SCAPER: variants seen among roughly 807,000 people sequenced by gnomAD.
SCAPER encodes S-phase cyclin A associated protein in the ER.
Under a neutral mutation model 182.2 loss-of-function variants are expected in SCAPER, and 98 were observed. The ratio of observed to expected loss-of-function variants is 0.54; its 90% CI spans 0.46 to 0.64. The LOEUF (loss-of-function observed/expected upper bound fraction) is 0.64, where lower values mean the gene tolerates loss of function less well. SCAPER is among the 30% of genes least tolerant of loss of function. SCAPER has a pLI of 0.00. For missense variants in SCAPER, 1,432 were observed against 1,690.0 expected (o/e 0.85, Z 2.68); for synonymous variants, 605 against 564.6 (o/e 1.07, Z -1.01).
intron 17 of SCAPER, among the ~76,000 whole-genome samples, chr15:76,720,943 G>A (rs1317194749): frequency 6.6e-6 from 1 of 152,124 alleles, no homozygotes; most frequent in Non-Finnish European, 1.5e-5. Flanking sequence ...GATCCCATTT[G>A]TCAATTTTGG....
intron 20 of SCAPER, among the ~76,000 whole-genome samples, chr15:76,686,912 G>A (rs138434713): frequency 2.6e-5 from 4 of 152,132 alleles, no homozygotes; most frequent in African/African-American, 9.7e-5. Context: ...AATGGGACAA[G>A]AGGGAAGAGG....
At position 76,488,106 on chromosome 15, in the gene SCAPER, A is replaced by AT. The variant is rs1325316886; in HGVS notation, c.2954+16752dup. Among the ~76,000 whole-genome samples, 12 of 152,148 alleles carry AT rather than the reference A, an allele frequency of 7.9e-5. No homozygotes were observed. The East Asian group carries it at 2.1e-3, about 27-fold the overall frequency. On this transcript the variant is annotated intron_variant, in intron 24 of 31. Transcript: ENST00000563290. ...TCAAACTCAAATTCCAGACTAAGGGATTTTTTCTTTAATATGTTTTATATA... is the reference window on the plus strand; with the variant it reads ...TCAAACTCAAATTCCAGACTAAGGGATTTTTTTCTTTAATATGTTTTATATA...
chr15:76,646,245 T>G (rs1298677179), intron 21 of SCAPER, among the ~76,000 whole-genome samples: 1 of 152,154 alleles, frequency 6.6e-6, no homozygotes, highest in Non-Finnish European at 1.5e-5. Flanking sequence ...GGGTTAACTC[T>G]GAATGTAGAT....
chr15:76,501,177 T>C (rs1468722196), intron 24 of SCAPER, among the ~76,000 whole-genome samples: 1 of 152,136 alleles, frequency 6.6e-6, no homozygotes, highest in Non-Finnish European at 1.5e-5. Flanking sequence ...ATGATTGATT[T>C]TGTAATAACA....
chr15:76,895,918 T>C (rs1179831811), intron 1 of SCAPER, among the ~76,000 whole-genome samples: 1 of 151,918 alleles, frequency 6.6e-6, no homozygotes, highest in Non-Finnish European at 1.5e-5. Context: ...CAGGCGACTG[T>C]AGTCCCAGCT....
rs757572763 is a variant in SCAPER at position 76,608,331 on chromosome 15, G to A, written c.2711+13433C>T. ...TCAGCAGCGGTGGCTGCAGAACAGCGGATTTTGGTGAACCGCAAATGCTGC... is the reference window on the plus strand; with the variant it reads ...TCAGCAGCGGTGGCTGCAGAACAGCAGATTTTGGTGAACCGCAAATGCTGC... On this transcript the variant is annotated intron_variant, in intron 22 of 31. Coordinates refer to ENST00000563290, the MANE Select transcript of SCAPER (RefSeq NM_020843.4). Among the ~76,000 whole-genome samples, 7 of 152,132 alleles carry A rather than the reference G, an allele frequency of 4.6e-5. No individual in the cohort carries two copies. The East Asian group carries it at 5.8e-4, about 13-fold the overall frequency.
intron 23 of SCAPER, among the ~76,000 whole-genome samples, chr15:76,546,277 A>C (rs1323657745): frequency 6.6e-6 from 1 of 152,198 alleles, no homozygotes; most frequent in African/African-American, 2.4e-5. Context: ...TAAATTAAAA[A>C]TATTAATTAT....
chr15:76,386,229 C>A lies in SCAPER; in HGVS notation c.3468-4614G>T, dbSNP rs538619894. Among the ~76,000 whole-genome samples, 7 of 152,304 alleles carry A rather than the reference C, an allele frequency of 4.6e-5. No homozygotes were observed. The East Asian group carries it at 1.4e-3, about 29-fold the overall frequency. Reference sequence around the variant, plus strand: ...AGAATAATCTCACCATCTCAAGATCCTTAACTTAATTGTATCTGCAAGATC... The same window carrying A: ...AGAATAATCTCACCATCTCAAGATCATTAACTTAATTGTATCTGCAAGATC... On this transcript the variant is annotated intron_variant, in intron 27 of 31. Coordinates refer to ENST00000563290, the MANE Select transcript of SCAPER (RefSeq NM_020843.4).
At chr15:76,496,010 A>G (rs2040490310) in intron 24 of SCAPER, among the ~76,000 whole-genome samples, 1 of 141,380 alleles carries the variant, frequency 7.1e-6, no homozygotes. Context: ...ACACACACAC[A>G]CACACACACA....
At chr15:76,545,062 T>A (rs952061609) in intron 23 of SCAPER, among the ~76,000 whole-genome samples, 2 of 152,166 alleles carry the variant, frequency 1.3e-5, no homozygotes, top group African/African-American at 4.8e-5. Flanking sequence ...CTTACCAATT[T>A]TTAGAATAAC....
chr15:76,789,612 T>C (rs1223819694), intron 8 of SCAPER, among the ~76,000 whole-genome samples: 1 of 152,176 alleles, frequency 6.6e-6, no homozygotes, highest in Non-Finnish European at 1.5e-5. Flanking sequence ...ATATTTTTAA[T>C]AAACCTTCAG....
Position 76,532,314 on chromosome 15 carries a change from C to A in SCAPER, c.2839-27340G>T, listed in dbSNP as rs969488200. Among the ~76,000 whole-genome samples, 3 of 146,676 alleles carry A rather than the reference C, an allele frequency of 2.0e-5. 1 individual carries two copies. Among genetic ancestry groups the A allele is most frequent in the Admixed American group, 1.4e-4 (2 of 14,740 alleles). ...TAATATTCAAACTCCTTTAACATTACCCCTCCCCTCCCCTCCCCTTCCTTC... is the reference window on the plus strand; with the variant it reads ...TAATATTCAAACTCCTTTAACATTAACCCTCCCCTCCCCTCCCCTTCCTTC... On this transcript the variant is annotated intron_variant, in intron 23 of 31. Transcript: ENST00000563290.
At chr15:76,548,594 C>A (rs560831931) in intron 23 of SCAPER, among the ~76,000 whole-genome samples, 119 of 152,224 alleles carry the variant, frequency 7.8e-4, no homozygotes, top group African/African-American at 2.7e-3. Context: ...ATTCTCAAGG[C>A]AAATGGGAAA....
chr15:76,721,480 G>T (rs979567775), intron 17 of SCAPER, among the ~76,000 whole-genome samples: 2 of 152,002 alleles, frequency 1.3e-5, no homozygotes, highest in African/African-American at 4.8e-5. Context: ...TTGGCAGCTT[G>T]ATGGGGATGG....
intron 31 of SCAPER, 50 bp downstream of exon 31, chr15:76,351,187 T>C: frequency 6.6e-7 from 1 of 1,512,716 alleles, no homozygotes; most frequent in South Asian, 1.2e-5. Context: ...ATAAGAAAGA[T>C]GTCCATTTGG....
In SCAPER at chr15:76,702,967, A is replaced by C. The variant is rs1253290426; in HGVS notation, c.2283T>G (p.Ile761Met). 6.2e-7 allele frequency: 1 copy of C among 1,604,672 alleles called. No homozygotes were observed. Among genetic ancestry groups the C allele is most frequent in the South Asian group, 1.1e-5 (1 of 88,632 alleles). ...DESIRRHMEQ[I>M]EQRKEKAAEL... ...CAGCAGCTTTTTCTTTTCTTTGTTC[A>C]ATCTGTTCCATGTGCCTTCGAATAC... is the stretch of plus-strand genomic sequence containing the variant. The change falls in exon 19 of 32, where the codon ATT becomes ATG. Residue 761 changes from isoleucine to methionine, a missense_variant. Physicochemically the swap from Ile to Met is conservative, Grantham distance 10. Transcript: ENST00000563290.
At chr15:76,579,649 AAACAAAT>A (rs2048125513) in intron 22 of SCAPER, among the ~76,000 whole-genome samples, 1 of 152,168 alleles carries the variant, frequency 6.6e-6, no homozygotes, top group African/African-American at 2.4e-5. Context: ...AATAACCAGA[AAACAAAT>A]AACAAATAAG....
intron 26 of SCAPER, among the ~76,000 whole-genome samples, chr15:76,418,908 T>C (rs2045832348): frequency 6.6e-6 from 1 of 152,242 alleles, no homozygotes. Flanking sequence ...GCCAGCCTGG[T>C]TGTGGCTGCT....
At chr15:76,459,067 T>C (rs2048955980) in intron 25 of SCAPER, among the ~76,000 whole-genome samples, 1 of 152,022 alleles carries the variant, frequency 6.6e-6, no homozygotes, top group Admixed American at 6.6e-5. Context: ...GCAAATTCTT[T>C]TTTATTTTTT....
Sources: allele counts gnomAD v4.1 joint callset (sites outside exome capture counted in the v4.1 genomes callset), GRCh38; gene constraint gnomAD v4.1.1; transcripts MANE v1.5; gene names NCBI Gene and HGNC (gene_info 2026-07-23, HGNC 2026-07-21).